FMNL2: variants seen among roughly 807,000 people sequenced by gnomAD.
FMNL2 encodes the protein formin like 2, also known as formin-like protein 2.
In FMNL2, 51 loss-of-function variants were observed where a neutral mutation model predicts 130.2. The observed-to-expected ratio is 0.39, with a 90% CI of 0.31 to 0.49. The LOEUF (loss-of-function observed/expected upper bound fraction) is 0.49. FMNL2 is among the 20% of genes least tolerant of loss of function. The pLI is 0.85. For synonymous variants in FMNL2, 465 were observed against 467.1 expected (o/e 1.00, Z 0.06); for missense variants, 977 against 1,316.2 (o/e 0.74, Z 3.99).
At position 152,521,886 on chromosome 2, in the gene FMNL2, A is replaced by G. The variant is rs983272578; in HGVS notation, c.118-57A>G. 9.2e-6 allele frequency: 13 copies of G among 1,413,904 alleles called. No homozygotes were observed. In the African/African-American group the frequency reaches 1.4e-4, roughly 15 times the overall value. 87.6% of individuals were successfully genotyped at this position (1,413,904 alleles called of 1,614,324 possible). On this transcript the variant is annotated intron_variant, in intron 1 of 25. Transcript: ENST00000288670. ...TATTTGGTCTGCCTGCAAGTTACCAATTTGGAAGCCTGCTGTGGAATGTGA... is the reference window on the plus strand; with the variant it reads ...TATTTGGTCTGCCTGCAAGTTACCAGTTTGGAAGCCTGCTGTGGAATGTGA...
intron 2 of FMNL2, among the ~76,000 whole-genome samples, chr2:152,526,634 C>T (rs1693403173): frequency 6.6e-6 from 1 of 152,134 alleles, no homozygotes; most frequent in Non-Finnish European, 1.5e-5. Context: ...GTTTACAATA[C>T]TGTGGTATGA....
chr2:152,558,670 A>C, intron 4 of FMNL2, 70 bp from the exon 5 acceptor site: 2 of 1,412,312 alleles, frequency 1.4e-6, no homozygotes, highest in Non-Finnish European at 9.8e-7. Context: ...AAAACTTTGC[A>C]TTGTGTCCGT....
At chr2:152,468,722 A>G (rs924491533) in intron 1 of FMNL2, among the ~76,000 whole-genome samples, 17 of 152,182 alleles carry the variant, frequency 1.1e-4, no homozygotes, top group African/African-American at 3.9e-4. Context: ...TTAATTCCAT[A>G]TGTGCTTCTC....
At chr2:152,469,916 A>G (rs1471253117) in intron 1 of FMNL2, among the ~76,000 whole-genome samples, 1 of 152,188 alleles carries the variant, frequency 6.6e-6, no homozygotes, top group Non-Finnish European at 1.5e-5. Flanking sequence ...ATTTTAGAGT[A>G]GTTAACTACC....
intron 8 of FMNL2, among the ~76,000 whole-genome samples, chr2:152,579,693 G>T (rs1225422959): frequency 6.6e-6 from 1 of 152,136 alleles, no homozygotes; most frequent in Admixed American, 6.5e-5. Flanking sequence ...GCAAGACTCT[G>T]TCTCAAAAAA....
At chr2:152,502,585 G>T (rs1691907737) in intron 1 of FMNL2, among the ~76,000 whole-genome samples, 1 of 152,208 alleles carries the variant, frequency 6.6e-6, no homozygotes, top group Admixed American at 6.5e-5. Flanking sequence ...TACTCAGGAG[G>T]CTGAGGCACG....
At chr2:152,355,334 A>G (rs1431325725) in intron 1 of FMNL2, among the ~76,000 whole-genome samples, 1 of 152,252 alleles carries the variant, frequency 6.6e-6, no homozygotes, top group Non-Finnish European at 1.5e-5. Flanking sequence ...TTGCCCCAAG[A>G]AAACCACTGC....
chr2:152,378,103 C>A (rs952474661), intron 1 of FMNL2, among the ~76,000 whole-genome samples: 1 of 141,548 alleles, frequency 7.1e-6, no homozygotes, highest in East Asian at 2.0e-4. Flanking sequence ...CAGAGTGAGA[C>A]CCTGTCTTGA....
chr2:152,507,949 A>G (rs1026981731), intron 1 of FMNL2, among the ~76,000 whole-genome samples: 1 of 152,144 alleles, frequency 6.6e-6, no homozygotes, highest in African/African-American at 2.4e-5. Context: ...AAAATTCTGG[A>G]GTTATTTCAG....
chr2:152,524,074 G>C (rs1385314881), intron 2 of FMNL2, among the ~76,000 whole-genome samples: 1 of 152,144 alleles, frequency 6.6e-6, no homozygotes, highest in East Asian at 1.9e-4. Flanking sequence ...TTTGGTAAAG[G>C]AAAGCAATTC....
intron 1 of FMNL2, among the ~76,000 whole-genome samples, chr2:152,502,358 G>A (rs1395241313): frequency 6.6e-6 from 1 of 152,188 alleles, no homozygotes; most frequent in African/African-American, 2.4e-5. Context: ...TATGAGAGAA[G>A]AATATAAGAG....
At chr2:152,617,804 AC>A (rs1253500031) in intron 13 of FMNL2, among the ~76,000 whole-genome samples, 8 of 152,208 alleles carry the variant, frequency 5.3e-5, no homozygotes, top group African/African-American at 1.9e-4. Context: ...ACATAAGAAC[AC>A]CAAAATGCCT....
intron 1 of FMNL2, chr2:152,389,822 G>C (rs1262793116): frequency 1.6e-6 from 2 of 1,263,676 alleles, no homozygotes; most frequent in Non-Finnish European, 2.3e-6. Context: ...GGAGAAGAGG[G>C]GATGGCAAAG....
intron 1 of FMNL2, among the ~76,000 whole-genome samples, chr2:152,427,306 G>A (rs1687249856): frequency 6.6e-6 from 1 of 152,168 alleles, no homozygotes; most frequent in African/African-American, 2.4e-5. Flanking sequence ...CAGCACTTTG[G>A]GAGGCTGAGA....
chr2:152,557,890 A>C (rs1695313976), intron 4 of FMNL2, among the ~76,000 whole-genome samples: 1 of 152,110 alleles, frequency 6.6e-6, no homozygotes, highest in Admixed American at 6.6e-5. Context: ...GGAGTTTGAA[A>C]CTTAGTGAAG....
chr2:152,649,443 C>T lies in FMNL2; in HGVS notation c.*1538C>T, dbSNP rs1266815035. ...GGAACAAGTTACCTACCACATTTCA[C>T]TTTAGTGTACCTATTTACAGAAAGA... On this transcript the variant is annotated 3_prime_UTR_variant, in exon 26 of 26. Transcript: ENST00000288670. 2 of 152,558 alleles carry T rather than the reference C, an allele frequency of 1.3e-5. No homozygotes were observed. The highest frequency in any genetic ancestry group is 3.8e-4 in the East Asian group (2 of 5,196). 9.5% of individuals were successfully genotyped at this position (152,558 alleles called of 1,614,324 possible).
rs1344016461 is a variant in FMNL2 at position 152,589,991 on chromosome 2, G to A, written c.876+8942G>A. On this transcript the variant is annotated intron_variant, in intron 9 of 25. Coordinates refer to ENST00000288670, the MANE Select transcript of FMNL2 (RefSeq NM_052905.4). ...TATATATATATATATATATGTATAT[G>A]TATATGTATATATATATACATATAC... 1.4e-3 allele frequency among the ~76,000 whole-genome samples: 120 copies of A among 88,586 alleles called. 2 individuals are homozygous for A. The South Asian group carries it at 0.016, about 12-fold the overall frequency. 58.1% of individuals were successfully genotyped at this position (88,586 alleles called of 152,430 possible).
At chr2:152,388,551 G>A (rs1684918919) in intron 1 of FMNL2, among the ~76,000 whole-genome samples, 2 of 152,076 alleles carry the variant, frequency 1.3e-5, no homozygotes, top group South Asian at 2.1e-4. Context: ...CCCATGACAT[G>A]TGGGGATTAT....
chr2:152,566,231 G>A (rs954190879), intron 6 of FMNL2, among the ~76,000 whole-genome samples: 12 of 152,164 alleles, frequency 7.9e-5, no homozygotes, highest in African/African-American at 1.2e-4. Flanking sequence ...CATTCCTGGC[G>A]ATGGTTTTCA....
Sources: gnomAD v4.1 joint callset for allele counts (sites outside exome capture counted in the v4.1 genomes callset) on GRCh38, gnomAD v4.1.1 for gene constraint, MANE v1.5 for transcripts, NCBI Gene and HGNC (gene_info 2026-07-23, HGNC 2026-07-21) for gene names.